The following LRP1B variants were observed in gnomAD, a reference collection of about 807,000 sequenced individuals.
LRP1B encodes the protein LDL receptor related protein 1B, also known as low-density lipoprotein receptor-related protein 1B.
A neutral mutation model predicts 556.6 loss-of-function variants in LRP1B; 217 were observed. The ratio of observed to expected loss-of-function variants is 0.39; its 90% CI spans 0.35 to 0.44. The LOEUF is 0.44. Ranked by LOEUF, LRP1B falls within the 20% of genes least tolerant of loss-of-function variation. The pLI, the probability that LRP1B is intolerant of heterozygous loss-of-function variation, is 1.00. For synonymous variants in LRP1B, 2,047 were observed against 1,865.8 expected, an observed-to-expected ratio of 1.10 and a Z score of -2.50; for missense variants, 5,053 against 5,620.8, an observed-to-expected ratio of 0.90 and a Z score of 3.23.
At chr2:141,770,170 T>C (rs1455426130) in intron 2 of LRP1B, among the ~76,000 whole-genome samples, 1 of 152,188 alleles carries the variant, frequency 6.6e-6, no homozygotes. Context: ...CTTTTTTTTT[T>C]TCACAATAGC....
intron 2 of LRP1B, among the ~76,000 whole-genome samples, chr2:141,587,531 A>C (rs10188788): frequency 0.11 from 16,569 of 152,196 alleles, 1,026 homozygotes; most frequent in South Asian, 0.2. Context: ...TTTCTCAATA[A>C]ATATCAATAT....
At chr2:141,467,329 G>A (rs1358916368) in intron 3 of LRP1B, among the ~76,000 whole-genome samples, 1 of 151,916 alleles carries the variant, frequency 6.6e-6, no homozygotes, top group Non-Finnish European at 1.5e-5. Context: ...ATTTGGAGAA[G>A]TGAAAGAAAA....
chr2:140,468,940 T>C (rs1304591173), intron 60 of LRP1B, among the ~76,000 whole-genome samples: 1 of 152,172 alleles, frequency 6.6e-6, no homozygotes, highest in Non-Finnish European at 1.5e-5. Context: ...ATTTTACAGG[T>C]TCACAGCAGG....
chr2:140,428,865 T>A (rs1366318634), intron 66 of LRP1B, among the ~76,000 whole-genome samples: 1 of 152,160 alleles, frequency 6.6e-6, no homozygotes, highest in Admixed American at 6.5e-5. Flanking sequence ...GCACTCTTTT[T>A]TAGTTATCCC....
At position 140,700,447 on chromosome 2, in the gene LRP1B, T is replaced by C. The variant is rs1411489554; in HGVS notation, c.6602A>G (p.His2201Arg). Residue 2201 changes from histidine to arginine, a missense_variant, in exon 41 of 91, where the codon CAT becomes CGT. His to Arg is a conservative substitution (Grantham distance 29, BLOSUM62 0). This residue lies in a region of LRP1B where 3,619 missense variants were observed against 3,931.9 expected (regional missense o/e 0.92). Coordinates refer to ENST00000389484, the MANE Select transcript of LRP1B (RefSeq NM_018557.3). ...ATTTAAATTGGTTTCATCAGAAAGA[T>C]GTATACTTTTTAATATTGTTCTTCC... Reference protein sequence around the residue: ...YSGRTILKSIHLSDETNLNSP... With the variant: ...YSGRTILKSIRLSDETNLNSP... 1 of 1,613,308 alleles carries C rather than the reference T, an allele frequency of 6.2e-7. No individual in the cohort carries two copies.
At chr2:140,529,783 A>G (rs1035300547) in intron 47 of LRP1B, among the ~76,000 whole-genome samples, 4 of 152,040 alleles carry the variant, frequency 2.6e-5, no homozygotes, top group Admixed American at 1.3e-4. Flanking sequence ...GGAAGGAAGC[A>G]TATCATGCAC....
At chr2:141,818,531 CTTTTTTTTTTT>C (rs70994453) in intron 1 of LRP1B, among the ~76,000 whole-genome samples, 3 of 82,070 alleles carry the variant, frequency 3.7e-5, no homozygotes, top group Admixed American at 1.7e-4. Flanking sequence ...ATTTCTGTAT[CTTTTTTTTTTT>C]TTTTTTTTTT....
At chr2:140,646,626 A>C (rs1684494902) in intron 41 of LRP1B, among the ~76,000 whole-genome samples, 1 of 152,182 alleles carries the variant, frequency 6.6e-6, no homozygotes, top group African/African-American at 2.4e-5. Flanking sequence ...CATATTTTTT[A>C]ATGTTAGTTA....
chr2:141,045,654 A>C (rs554602679), intron 11 of LRP1B, among the ~76,000 whole-genome samples: 1 of 152,034 alleles, frequency 6.6e-6, no homozygotes, highest in African/African-American at 2.4e-5. Context: ...TTACTGGCTT[A>C]TTATTCCCTT....
rs142150801 is a variant in LRP1B at position 140,420,772 on chromosome 2, G to T, written c.10414+21732C>A. The stretch of plus-strand genomic sequence containing the variant: ...AAAATGAATACATGCTGTATGACTT[G>T]TTTTATGTAAATGCACAGTAATCTA... On this transcript the variant is annotated intron_variant, in intron 66 of 90. Transcript: ENST00000389484. Among the ~76,000 whole-genome samples the T allele has an allele frequency of 8.5e-3, 1,288 of 152,256 alleles. 25 individuals carry two copies. Among genetic ancestry groups the T allele is most frequent in the African/African-American group, 0.029 (1,218 of 41,530 alleles).
At chr2:140,668,935 G>A (rs1335814965) in intron 41 of LRP1B, among the ~76,000 whole-genome samples, 5 of 152,170 alleles carry the variant, frequency 3.3e-5, no homozygotes, top group Non-Finnish European at 7.4e-5. Flanking sequence ...TAAAACCAAT[G>A]GGATAATGAA....
intron 3 of LRP1B, among the ~76,000 whole-genome samples, chr2:141,311,201 A>C (rs1450333013): frequency 6.6e-6 from 1 of 152,202 alleles, no homozygotes; most frequent in Non-Finnish European, 1.5e-5. Context: ...GAACTCTAGT[A>C]GATGTATATT....
intron 7 of LRP1B, among the ~76,000 whole-genome samples, chr2:141,157,073 C>G (rs976811971): frequency 6.6e-6 from 1 of 151,684 alleles, no homozygotes; most frequent in Non-Finnish European, 1.5e-5. Flanking sequence ...TATTATGTAT[C>G]TATTAAAAAA....
At chr2:141,577,849 T>C (rs1481278283) in intron 2 of LRP1B, among the ~76,000 whole-genome samples, 1 of 152,216 alleles carries the variant, frequency 6.6e-6, no homozygotes, top group East Asian at 1.9e-4. Context: ...TAAACTATTA[T>C]ATCACTGTCA....
At chr2:140,967,985 T>C (rs1470843482) in intron 18 of LRP1B, among the ~76,000 whole-genome samples, 14 of 79,634 alleles carry the variant, frequency 1.8e-4, no homozygotes, top group African/African-American at 5.8e-4. Flanking sequence ...TCATCAAGGA[T>C]ATTGGTCTAA....
chr2:140,699,832 A>C (rs1686566518), intron 41 of LRP1B, among the ~76,000 whole-genome samples: 2 of 147,364 alleles, frequency 1.4e-5, no homozygotes, highest in African/African-American at 4.9e-5. Context: ...ACATATATAC[A>C]GAAAAAAAAT....
At chr2:141,517,106 C>T (rs1684348592) in intron 2 of LRP1B, among the ~76,000 whole-genome samples, 2 of 150,352 alleles carry the variant, frequency 1.3e-5, no homozygotes, top group South Asian at 4.2e-4. Flanking sequence ...CCTTGTATGG[C>T]TACAGCATAA....
chr2:140,546,995 G>A (rs781109680), intron 43 of LRP1B, among the ~76,000 whole-genome samples: 1 of 152,024 alleles, frequency 6.6e-6, no homozygotes, highest in Non-Finnish European at 1.5e-5. Context: ...TGCATCCGAG[G>A]GATAAAGCCT....
At chr2:141,618,918 T>C (rs533440111) in intron 2 of LRP1B, among the ~76,000 whole-genome samples, 1 of 152,264 alleles carries the variant, frequency 6.6e-6, no homozygotes, top group South Asian at 2.1e-4. Flanking sequence ...AAGAGGAAAA[T>C]ACATTATATA....
Sources: gnomAD v4.1 joint callset for allele counts (sites outside exome capture counted in the v4.1 genomes callset) on GRCh38, gnomAD v4.1.1 for gene constraint, gnomAD v4.1.1 regional missense constraint, MANE v1.5 for transcripts, NCBI Gene and HGNC (gene_info 2026-07-23, HGNC 2026-07-21) for gene names.